The following HHAT variants were observed in gnomAD, a reference collection of about 807,000 sequenced individuals.
HHAT encodes hedgehog acyltransferase.
In HHAT, 47 loss-of-function variants were observed where a neutral mutation model predicts 70.8. The ratio of observed to expected loss-of-function variants is 0.66; its 90% CI spans 0.53 to 0.85. HHAT has a LOEUF of 0.85. HHAT is among the 40% of genes least tolerant of loss of function. HHAT has a pLI of 0.00. For synonymous variants in HHAT, 228 were observed against 247.6 expected (o/e 0.92, Z 0.74); for missense variants, 609 against 604.8 (o/e 1.01, Z -0.07).
At chr1:210,417,588 C>T (rs1194286938) in intron 6 of HHAT, among the ~76,000 whole-genome samples, 3 of 152,196 alleles carry the variant, frequency 2.0e-5, no homozygotes, top group African/African-American at 7.2e-5. Context: ...CTGCTGCCTA[C>T]TAAGCAAGAG....
At chr1:210,554,755 C>A (rs920158913) in intron 9 of HHAT, among the ~76,000 whole-genome samples, 1 of 152,096 alleles carries the variant, frequency 6.6e-6, no homozygotes, top group East Asian at 1.9e-4. Flanking sequence ...TCAAGGTGTG[C>A]CTTGTGGTTC....
In HHAT at chr1:210,676,130, C is replaced by T. The variant is rs1681029257; in HGVS notation, c.*1751C>T. 6.6e-6 allele frequency: 1 copy of T among 152,094 alleles called. No individual in the cohort carries two copies. The highest frequency in any genetic ancestry group is 6.5e-5 in the Admixed American group (1 of 15,268). 9.4% of individuals were successfully genotyped at this position (152,094 alleles called of 1,614,324 possible). A position where few individuals can be genotyped will look rare whatever the true frequency, so the allele number is the denominator to read the frequency against. On this transcript the variant is annotated 3_prime_UTR_variant, in exon 12 of 12. Coordinates refer to ENST00000261458, the MANE Select transcript of HHAT (RefSeq NM_018194.6). Reference sequence around the variant, plus strand: ...AGTAATACAAAAGTTTTGAGCTCTTCCAAGTATACCATTTATATACAAACA... The same window carrying T: ...AGTAATACAAAAGTTTTGAGCTCTTTCAAGTATACCATTTATATACAAACA...
chr1:210,397,223 G>T (rs1369749288), intron 4 of HHAT, among the ~76,000 whole-genome samples: 1 of 152,182 alleles, frequency 6.6e-6, no homozygotes, highest in Non-Finnish European at 1.5e-5. Context: ...TTACATAAAA[G>T]TTGTATGCAA....
rs1383925791 is a variant in HHAT, at chr1:210,559,552, G to A, written c.1044-28346G>A. Among the ~76,000 whole-genome samples the A allele has an allele frequency of 3.3e-5, 5 of 152,244 alleles. No individual in the cohort carries two copies. The East Asian group carries it at 9.6e-4, about 29-fold the overall frequency. Reference sequence around the variant, plus strand: ...CTGATGATTGGAAGTGGTGGAGCTAGGATTTGGACACAGGACTGTCTGACT... The same window carrying A: ...CTGATGATTGGAAGTGGTGGAGCTAAGATTTGGACACAGGACTGTCTGACT... On this transcript the variant is annotated intron_variant, in intron 9 of 11. Transcript: ENST00000261458.
chr1:210,482,237 A>C (rs111330366), intron 8 of HHAT, among the ~76,000 whole-genome samples: 1 of 152,118 alleles, frequency 6.6e-6, no homozygotes, highest in Non-Finnish European at 1.5e-5. Flanking sequence ...CTGGTCCCCA[A>C]ATCATTCCCA....
intron 8 of HHAT, among the ~76,000 whole-genome samples, chr1:210,506,904 A>C (rs1027886017): frequency 9.9e-5 from 15 of 152,044 alleles, no homozygotes; most frequent in African/African-American, 3.4e-4. Flanking sequence ...GTTGTGGGAG[A>C]GAATGATTGA....
At chr1:210,668,859 C>T (rs1679483986) in intron 11 of HHAT, among the ~76,000 whole-genome samples, 1 of 152,126 alleles carries the variant, frequency 6.6e-6, no homozygotes, top group African/African-American at 2.4e-5. Context: ...CTGCAACCTC[C>T]TCCTCCCAGG....
At chr1:210,589,224 C>A (rs945867016) in intron 10 of HHAT, 1 of 152,144 alleles carries the variant, frequency 6.6e-6, no homozygotes, top group Non-Finnish European at 1.5e-5. Context: ...AATACATTTA[C>A]ATATGTTTTT....
At chr1:210,494,937 G>A (rs975907810) in intron 8 of HHAT, among the ~76,000 whole-genome samples, 5 of 152,138 alleles carry the variant, frequency 3.3e-5, no homozygotes, top group African/African-American at 1.2e-4. Flanking sequence ...GCCCTGAGCT[G>A]GGACTCCCAA....
At chr1:210,396,613 C>A (rs2148182302) in intron 4 of HHAT, among the ~76,000 whole-genome samples, 1 of 152,298 alleles carries the variant, frequency 6.6e-6, no homozygotes, top group South Asian at 2.1e-4. Context: ...GAAATGAAAA[C>A]TTATTTTTAC....
At chr1:210,605,012 T>TCAACAACAA (rs66718127) in intron 10 of HHAT, among the ~76,000 whole-genome samples, 3,946 of 150,710 alleles carry the variant, frequency 0.026, 143 homozygotes, top group African/African-American at 0.09. Context: ...TGGGCAAGAC[T>TCAACAACAA]CAACAACAAC....
At chr1:210,370,233 T>C (rs190332943) in intron 3 of HHAT, among the ~76,000 whole-genome samples, 43 of 149,342 alleles carry the variant, frequency 2.9e-4, no homozygotes, top group Admixed American at 2.5e-3. Flanking sequence ...TGGAGTGCAG[T>C]GCATGATCTT....
intron 7 of HHAT, among the ~76,000 whole-genome samples, chr1:210,431,931 T>G (rs2093256430): frequency 6.6e-6 from 1 of 151,946 alleles, no homozygotes; most frequent in Non-Finnish European, 1.5e-5. Flanking sequence ...TTAAATGTTA[T>G]AATTGTTTTA....
At chr1:210,429,823 A>T (rs1280956213) in intron 7 of HHAT, among the ~76,000 whole-genome samples, 1 of 151,906 alleles carries the variant, frequency 6.6e-6, no homozygotes, top group Non-Finnish European at 1.5e-5. Flanking sequence ...TTCTTCCCCA[A>T]TAACCTGGAA....
intron 11 of HHAT, among the ~76,000 whole-genome samples, chr1:210,666,847 C>T (rs1678995823): frequency 6.6e-6 from 1 of 151,860 alleles, no homozygotes; most frequent in Non-Finnish European, 1.5e-5. Context: ...AATCCCAGCA[C>T]TTTGGGAGGC....
chr1:210,567,277 A>G (rs751200048), intron 9 of HHAT, among the ~76,000 whole-genome samples: 3 of 152,172 alleles, frequency 2.0e-5, no homozygotes, highest in Non-Finnish European at 4.4e-5. Context: ...AACGTGCATC[A>G]CTGTAATTTT....
At chr1:210,373,752 C>T (rs1263706138) in intron 3 of HHAT, among the ~76,000 whole-genome samples, 1 of 152,144 alleles carries the variant, frequency 6.6e-6, no homozygotes, top group African/African-American at 2.4e-5. Flanking sequence ...CTTGCATCAC[C>T]ACCTTGCATT....
intron 7 of HHAT, among the ~76,000 whole-genome samples, chr1:210,463,693 A>G (rs1160043670): frequency 2.0e-5 from 3 of 152,204 alleles, no homozygotes; most frequent in Admixed American, 2.0e-4. Context: ...TTGCTGGATC[A>G]TATGTAACTC....
chr1:210,654,435 C>A (rs1349886329), intron 11 of HHAT, among the ~76,000 whole-genome samples: 5 of 152,222 alleles, frequency 3.3e-5, no homozygotes, highest in Admixed American at 3.3e-4. Flanking sequence ...ATCCCATGTG[C>A]CCTGGCTCTT....
Sources: allele counts gnomAD v4.1 joint callset (sites outside exome capture counted in the v4.1 genomes callset), GRCh38; gene constraint gnomAD v4.1.1; transcripts MANE v1.5; gene names NCBI Gene and HGNC (gene_info 2026-07-23, HGNC 2026-07-21).